Variants in DCC observed in about 807,000 individuals in gnomAD.
The protein encoded by DCC is DCC netrin 1 receptor, also known as netrin receptor DCC.
In DCC, 58 loss-of-function variants were observed where a neutral mutation model predicts 172.5. The observed-to-expected ratio is 0.34, with a 90% CI of 0.27 to 0.42. DCC has a LOEUF of 0.42. Ranked by LOEUF, DCC falls within the 10% of genes least tolerant of loss-of-function variation. DCC has a pLI of 1.00. For synonymous variants in DCC, 709 were observed against 644.5 expected (o/e 1.10, Z -1.52); for missense variants, 1,740 against 1,791.0 (o/e 0.97, Z 0.51).
At chr18:53,137,543 G>T (rs1368131406) in intron 7 of DCC, among the ~76,000 whole-genome samples, 1 of 152,120 alleles carries the variant, frequency 6.6e-6, no homozygotes, top group Non-Finnish European at 1.5e-5. Context: ...AACCACCTTT[G>T]CCATGTAATG....
intron 12 of DCC, among the ~76,000 whole-genome samples, chr18:53,256,374 T>G (rs2056514586): frequency 6.6e-6 from 1 of 152,208 alleles, no homozygotes; most frequent in African/African-American, 2.4e-5. Context: ...TAATCCATCT[T>G]GAATTAATTT....
intron 9 of DCC, among the ~76,000 whole-genome samples, chr18:53,188,297 A>G (rs1035189020): frequency 1.3e-5 from 2 of 152,202 alleles, no homozygotes; most frequent in African/African-American, 2.4e-5. Flanking sequence ...TGCTTATCCT[A>G]AACAATGGGC....
chr18:53,069,547 C>T (rs1272720166), intron 7 of DCC, among the ~76,000 whole-genome samples: 1 of 151,776 alleles, frequency 6.6e-6, no homozygotes, highest in Non-Finnish European at 1.5e-5. Flanking sequence ...TTTGCCAACT[C>T]CAGCAGGGGT....
Position 52,613,519 on chromosome 18 carries a change from T to C in DCC, c.92-138535T>C, listed in dbSNP as rs2034315988. Among the ~76,000 whole-genome samples, 2 of 152,318 alleles carry C rather than the reference T, an allele frequency of 1.3e-5. 1 individual carries two copies. Among genetic ancestry groups the C allele is most frequent in the South Asian group, 4.1e-4 (2 of 4,826 alleles). Reference sequence around the variant, plus strand: ...ATCCGCCCGCCTCTGCCTCCCAAAGTGCTGGGATTACAGGGGTGAGCCACC... The same window carrying C: ...ATCCGCCCGCCTCTGCCTCCCAAAGCGCTGGGATTACAGGGGTGAGCCACC... On this transcript the variant is annotated intron_variant, in intron 1 of 28. Transcript: ENST00000442544.
At chr18:53,055,197 T>C (rs1269888706) in intron 5 of DCC, among the ~76,000 whole-genome samples, 1 of 152,264 alleles carries the variant, frequency 6.6e-6, no homozygotes, top group Non-Finnish European at 1.5e-5. Context: ...AAGGCGTTAG[T>C]AGCTTAGTGA....
chr18:52,394,292 G>T (rs536880197), intron 1 of DCC, among the ~76,000 whole-genome samples: 56 of 151,910 alleles, frequency 3.7e-4, no homozygotes, highest in Non-Finnish European at 7.8e-4. Context: ...ATTGAGACAG[G>T]GTCTCACTCT....
intron 24 of DCC, among the ~76,000 whole-genome samples, chr18:53,460,406 T>C (rs931948987): frequency 1.4e-5 from 2 of 147,368 alleles, no homozygotes; most frequent in African/African-American, 5.0e-5. Context: ...GCATGAGGTA[T>C]ATCTCCCAGT....
intron 27 of DCC, among the ~76,000 whole-genome samples, chr18:53,522,301 G>C (rs1454907655): frequency 6.6e-6 from 1 of 151,876 alleles, no homozygotes; most frequent in African/African-American, 2.4e-5. Context: ...AAAATGGTGT[G>C]TGAGTAGAGG....
intron 1 of DCC, among the ~76,000 whole-genome samples, chr18:52,734,478 A>G (rs2036693623): frequency 1.3e-5 from 2 of 152,158 alleles, no homozygotes; most frequent in Admixed American, 6.6e-5. Flanking sequence ...TCTAAAAGCT[A>G]CTTTTAAAAC....
At chr18:53,472,002 C>A (rs768780132) in intron 25 of DCC, among the ~76,000 whole-genome samples, 2 of 152,166 alleles carry the variant, frequency 1.3e-5, no homozygotes, top group Non-Finnish European at 2.9e-5. Context: ...CAGCACCTGG[C>A]ACATGGTAGG....
chr18:52,523,289 G>T (rs1248106440), intron 1 of DCC, among the ~76,000 whole-genome samples: 1 of 152,138 alleles, frequency 6.6e-6, no homozygotes, highest in Non-Finnish European at 1.5e-5. Flanking sequence ...CACCCTAGGA[G>T]TGGGCCAGGA....
At chr18:52,516,010 A>G (rs2144657175) in intron 1 of DCC, among the ~76,000 whole-genome samples, 1 of 152,148 alleles carries the variant, frequency 6.6e-6, no homozygotes, top group East Asian at 1.9e-4. Context: ...GATTTTCAGC[A>G]TTTTTAGTCA....
At chr18:52,514,536 G>T (rs2031558717) in intron 1 of DCC, among the ~76,000 whole-genome samples, 2 of 152,200 alleles carry the variant, frequency 1.3e-5, no homozygotes, top group South Asian at 4.1e-4. Context: ...ACAACCAGTG[G>T]GTTAGAGACT....
intron 3 of DCC, among the ~76,000 whole-genome samples, chr18:52,911,199 G>C (rs1022077962): frequency 6.6e-6 from 1 of 152,080 alleles, no homozygotes; most frequent in African/African-American, 2.4e-5. Flanking sequence ...CTTTTAAAAT[G>C]TATTAAGCCA....
At chr18:53,483,489 A>G in intron 25 of DCC, among the ~76,000 whole-genome samples, 1 of 151,874 alleles carries the variant, frequency 6.6e-6, no homozygotes. Flanking sequence ...TTTGATATCA[A>G]CATCATCCCC....
intron 5 of DCC, among the ~76,000 whole-genome samples, chr18:53,040,363 C>T (rs1030337581): frequency 1.3e-5 from 2 of 151,898 alleles, no homozygotes; most frequent in African/African-American, 2.4e-5. Context: ...TCTCTGTATT[C>T]TGTAAAACCA....
At chr18:53,387,797 T>G (rs945662746) in intron 16 of DCC, among the ~76,000 whole-genome samples, 1 of 152,186 alleles carries the variant, frequency 6.6e-6, no homozygotes, top group Admixed American at 6.5e-5. Context: ...TTGGCACTTG[T>G]GATCAGGCCA....
chr18:52,806,862 A>AG (rs1383080885), intron 2 of DCC, among the ~76,000 whole-genome samples: 1 of 152,086 alleles, frequency 6.6e-6, no homozygotes, highest in Non-Finnish European at 1.5e-5. Context: ...TTTGGTCATG[A>AG]GGGGGAACTT....
chr18:52,354,345 A>G (rs1020174788), intron 1 of DCC, among the ~76,000 whole-genome samples: 5 of 152,226 alleles, frequency 3.3e-5, no homozygotes, highest in African/African-American at 1.2e-4. Flanking sequence ...CTATGAGGAA[A>G]CAATTAGAGA....
Sources: gnomAD v4.1 joint callset for allele counts (sites outside exome capture counted in the v4.1 genomes callset) on GRCh38, gnomAD v4.1.1 for gene constraint, MANE v1.5 for transcripts, NCBI Gene and HGNC (gene_info 2026-07-23, HGNC 2026-07-21) for gene names.